The following TRMT9B variants were observed in gnomAD, a reference collection of about 807,000 sequenced individuals.
The protein encoded by TRMT9B is probable tRNA methyltransferase 9B.
In TRMT9B, 16 loss-of-function variants were observed where a neutral mutation model predicts 11.5. That is an observed-to-expected ratio of 1.39 (90% CI 0.94 to 2.11). The LOEUF is 2.11. Ranked by LOEUF, TRMT9B falls within the 30% of genes most tolerant of loss-of-function variation. The pLI is 0.00. For missense variants in TRMT9B, 941 were observed against 553.8 expected, an observed-to-expected ratio of 1.70 and a Z score of -7.02; for synonymous variants, 274 against 192.4, an observed-to-expected ratio of 1.42 and a Z score of -3.51.
chr8:12,990,663 T>G (rs1054117159), intron 1 of TRMT9B, among the ~76,000 whole-genome samples, 171 bp from the exon 2 acceptor site: 3 of 152,358 alleles, frequency 2.0e-5, no homozygotes, highest in Non-Finnish European at 4.4e-5. Context: ...TATTGGCCTA[T>G]TGATTTGAAC....
At chr8:13,010,954 T>A (rs1811487097) in intron 3 of TRMT9B, 2 of 905,966 alleles carry the variant, frequency 2.2e-6, no homozygotes, top group South Asian at 1.0e-4. Flanking sequence ...TATGGTCACA[T>A]TTACGTAGAA....
chr8:13,011,499 C>A, intron 3 of TRMT9B: 3 of 969,156 alleles, frequency 3.1e-6, no homozygotes, highest in South Asian at 4.8e-5. Context: ...CCAATAAGTA[C>A]AAATATAGGC....
At chr8:13,012,085 C>G in intron 3 of TRMT9B, 2 of 985,380 alleles carry the variant, frequency 2.0e-6, no homozygotes, top group Non-Finnish European at 2.4e-6. Flanking sequence ...TTGCCTTGGA[C>G]CAGCTAACGT....
chr8:12,986,021 C>A (rs1259799899), intron 1 of TRMT9B, among the ~76,000 whole-genome samples: 3 of 152,088 alleles, frequency 2.0e-5, no homozygotes, highest in Non-Finnish European at 4.4e-5. Context: ...GTTACCGCAC[C>A]TGGCTAATTT....
At chr8:13,012,433 G>A (rs1453685149) in intron 3 of TRMT9B, 6 of 467,802 alleles carry the variant, frequency 1.3e-5, no homozygotes. Flanking sequence ...AAATTATCCG[G>A]TCATGGTGGC....
At position 13,012,696 on chromosome 8, in the gene TRMT9B, G is replaced by C; in HGVS notation, c.167G>C (p.Gly56Ala). 1 of 1,613,062 alleles carries C rather than the reference G, an allele frequency of 6.2e-7. No homozygotes were observed. Among genetic ancestry groups the C allele is most frequent in the Non-Finnish European group, 8.5e-7 (1 of 1,179,350 alleles). Reference sequence around the variant, plus strand: ...TTTTCTCTTATAGGTTGTGGGACTGGAAAATATCTTAAAGTGAACAGCCAG... The same window carrying C: ...TTTTCTCTTATAGGTTGTGGGACTGCAAAATATCTTAAAGTGAACAGCCAG... ...SLIADIGCGT[G>A]KYLKVNSQVH... Residue 56 changes from glycine to alanine, a missense_variant, in exon 4 of 5, where the codon GGA (glycine) becomes GCA (alanine). Physicochemically the swap from Gly to Ala is moderately conservative, Grantham distance 60 (BLOSUM62 0). Coordinates refer to ENST00000524591, the MANE Select transcript of TRMT9B (RefSeq NM_020844.3).
intron 2 of TRMT9B, among the ~76,000 whole-genome samples, chr8:13,000,785 T>C (rs1046932881): frequency 6.6e-6 from 1 of 152,160 alleles, no homozygotes; most frequent in African/African-American, 2.4e-5. Context: ...CATTTCAAAA[T>C]GTTAATTAAA....
Position 13,029,693 on chromosome 8 carries a change from ATTATCT to A in TRMT9B, c.*7653_*7658del, listed in dbSNP as rs1015922762. The A allele has an allele frequency of 6.5e-6, 1 of 154,104 alleles. No homozygotes were observed. Among genetic ancestry groups the A allele is most frequent in the African/African-American group, 2.4e-5 (1 of 41,466 alleles). 9.5% of individuals were successfully genotyped at this position (154,104 alleles called of 1,614,324 possible). Reference sequence around the variant, plus strand: ...AGCAAAATTAACCTTTTAATAATAGATTATCTTTAATGGTTATTAAAAGAATGTTAT... The same window carrying A: ...AGCAAAATTAACCTTTTAATAATAGATTAATGGTTATTAAAAGAATGTTAT... On this transcript the variant is annotated 3_prime_UTR_variant, in exon 5 of 5. Coordinates refer to ENST00000524591, the MANE Select transcript of TRMT9B (RefSeq NM_020844.3).
intron 1 of TRMT9B, among the ~76,000 whole-genome samples, chr8:12,946,709 T>G (rs1461777591): frequency 3.3e-5 from 5 of 152,158 alleles, no homozygotes; most frequent in South Asian, 2.1e-4. Flanking sequence ...GGAGATTATA[T>G]AGAGAGAAAA....
intron 3 of TRMT9B, among the ~76,000 whole-genome samples, chr8:13,010,040 A>G (rs1208601045): frequency 1.3e-5 from 2 of 151,540 alleles, no homozygotes; most frequent in Non-Finnish European, 2.9e-5. Flanking sequence ...TGGGAGGCTG[A>G]GGTAGGAGGA....
chr8:12,952,582 A>T, intron 1 of TRMT9B: 1 of 534,410 alleles, frequency 1.9e-6, no homozygotes, highest in Non-Finnish European at 2.4e-6. Flanking sequence ...GTGCACGTGT[A>T]TCTTTCCCTG....
chr8:12,983,745 A>G (rs764412725), intron 1 of TRMT9B, among the ~76,000 whole-genome samples: 1 of 152,200 alleles, frequency 6.6e-6, no homozygotes, highest in Admixed American at 6.5e-5. Flanking sequence ...TGGTCCCTCA[A>G]CTGCTTCTGA....
chr8:12,951,973 C>T (rs899972057), intron 1 of TRMT9B: 3 of 155,114 alleles, frequency 1.9e-5, no homozygotes, highest in Non-Finnish European at 2.8e-5. Context: ...GCGCGCTCCC[C>T]CACGGCCACG....
At chr8:13,006,473 G>C (rs1355025320) in intron 3 of TRMT9B, 117 bp downstream of exon 3, 1 of 1,563,064 alleles carries the variant, frequency 6.4e-7, no homozygotes, top group Non-Finnish European at 8.7e-7. Context: ...GCTGTCATAG[G>C]TAACCCAGCA....
In TRMT9B at chr8:12,949,507, C is replaced by T. The variant is rs570091043; in HGVS notation, c.-200+3541C>T. Among the ~76,000 whole-genome samples the T allele has an allele frequency of 2.6e-5, 4 of 152,262 alleles. No homozygotes were observed. The South Asian group carries it at 8.3e-4, about 32-fold the overall frequency. ...TACATTTTTCTTTCCTTTCCCACAA[C>T]CATTACCCAAATTCTACTGGTGGTC... On this transcript the variant is annotated intron_variant, in intron 1 of 4. Transcript: ENST00000524591.
chr8:13,000,683 A>G (rs916438379), intron 2 of TRMT9B, among the ~76,000 whole-genome samples: 1 of 152,208 alleles, frequency 6.6e-6, no homozygotes, highest in Non-Finnish European at 1.5e-5. Flanking sequence ...CGTAAGCTTT[A>G]CAAGTTGCTT....
chr8:13,006,452 G>A lies in TRMT9B; in HGVS notation c.154+96G>A, dbSNP rs866508845. 3 of 1,564,348 alleles carry A rather than the reference G, an allele frequency of 1.9e-6. No homozygotes were observed. In the Admixed American group the frequency reaches 5.3e-5, roughly 28 times the overall value. On this transcript the variant is annotated intron_variant, in intron 3 of 4. Coordinates refer to ENST00000524591, the MANE Select transcript of TRMT9B (RefSeq NM_020844.3). ...CCTCATCGCTGACATAGGTAACCAG[G>A]CAGCCTCATTGCTGTCATAGGTAAC...
At chr8:12,998,750 A>G (rs771275050) in intron 2 of TRMT9B, among the ~76,000 whole-genome samples, 3 of 152,238 alleles carry the variant, frequency 2.0e-5, no homozygotes, top group Admixed American at 2.0e-4. Context: ...CCTTGATGAG[A>G]CAGTAGAAAA....
At chr8:12,982,056 G>A (rs1343854332) in intron 1 of TRMT9B, among the ~76,000 whole-genome samples, 3 of 152,076 alleles carry the variant, frequency 2.0e-5, no homozygotes, top group Admixed American at 6.5e-5. Context: ...TAAATAGTAG[G>A]CTTTACAATA....
Sources: allele counts gnomAD v4.1 joint callset (sites outside exome capture counted in the v4.1 genomes callset), GRCh38; gene constraint gnomAD v4.1.1; transcripts MANE v1.5; gene names NCBI Gene and HGNC (gene_info 2026-07-23, HGNC 2026-07-21).